RPS6KC1: variants seen among roughly 807,000 people sequenced by gnomAD.
RPS6KC1 encodes inactive ribosomal protein S6 kinase delta-1.
In RPS6KC1, 54 loss-of-function variants were observed where a neutral mutation model predicts 103.8. That is an observed-to-expected ratio of 0.52 (90% CI 0.42 to 0.65). The LOEUF (loss-of-function observed/expected upper bound fraction) is 0.65, where lower values mean the gene tolerates loss of function less well. Among genes scored for constraint, RPS6KC1 ranks in the 30% least tolerant of loss-of-function variants. The pLI is 0.00. For synonymous variants in RPS6KC1, 439 were observed against 438.7 expected, an observed-to-expected ratio of 1.00 and a Z score of -0.01; for missense variants, 1,151 against 1,253.8, an observed-to-expected ratio of 0.92 and a Z score of 1.24.
the RPS6KC1 span, among the ~76,000 whole-genome samples, chr1:213,391,074 G>A: frequency 6.6e-6 from 1 of 152,210 alleles, no homozygotes; most frequent in Admixed American, 6.5e-5. Flanking sequence ...AATTCACTGG[G>A]ATTTGGGGTC....
At chr1:213,347,629 A>C in the RPS6KC1 span, among the ~76,000 whole-genome samples, 1 of 152,174 alleles carries the variant, frequency 6.6e-6, no homozygotes, top group Non-Finnish European at 1.5e-5. Flanking sequence ...ACTTGAGCCC[A>C]GGAGTTCAAG....
At chr1:213,402,480 A>G in the RPS6KC1 span, among the ~76,000 whole-genome samples, 2 of 51,736 alleles carry the variant, frequency 3.9e-5, no homozygotes, top group Non-Finnish European at 5.1e-5. Flanking sequence ...CCAACATCCC[A>G]TTGAATCCTG....
At chr1:213,158,877 T>C (rs2090186630) in intron 6 of RPS6KC1, among the ~76,000 whole-genome samples, 1 of 152,136 alleles carries the variant, frequency 6.6e-6, no homozygotes, top group African/African-American at 2.4e-5. Flanking sequence ...TCTGGAAACA[T>C]AGAACTTTAG....
chr1:213,545,404 AAATAAAT>A, the RPS6KC1 span, among the ~76,000 whole-genome samples: 2,816 of 87,226 alleles, frequency 0.032, 49 homozygotes, highest in Non-Finnish European at 0.048. Context: ...ATAAATAAAT[AAATAAAT>A]AAATAAAATA....
At chr1:213,144,711 C>A (rs1228260400) in intron 6 of RPS6KC1, among the ~76,000 whole-genome samples, 2 of 152,042 alleles carry the variant, frequency 1.3e-5, no homozygotes, top group Non-Finnish European at 2.9e-5. Flanking sequence ...TAACTGTCTA[C>A]AACAGCAGTG....
chr1:213,436,155 G>A, the RPS6KC1 span, among the ~76,000 whole-genome samples: 1 of 152,178 alleles, frequency 6.6e-6, no homozygotes, highest in Non-Finnish European at 1.5e-5. Context: ...GTCCCTCTGG[G>A]TTGAACGCAA....
the RPS6KC1 span, among the ~76,000 whole-genome samples, chr1:213,294,137 A>G: frequency 4.6e-5 from 7 of 152,336 alleles, no homozygotes; most frequent in Admixed American, 2.0e-4. Flanking sequence ...TTGGGGAAGA[A>G]GGGCAACATT....
intron 12 of RPS6KC1, among the ~76,000 whole-genome samples, chr1:213,259,437 C>T (rs559479986): frequency 6.6e-6 from 1 of 152,270 alleles, no homozygotes; most frequent in Admixed American, 6.5e-5. Flanking sequence ...GTGGCACGCA[C>T]CTGTAGTCCC....
chr1:213,182,490 C>G (rs1004652536), intron 8 of RPS6KC1, among the ~76,000 whole-genome samples: 1 of 151,912 alleles, frequency 6.6e-6, no homozygotes, highest in African/African-American at 2.4e-5. Flanking sequence ...GACTCCATCT[C>G]AAACAAACAA....
chr1:213,179,297 C>G (rs1249796371), intron 8 of RPS6KC1, among the ~76,000 whole-genome samples: 1 of 151,486 alleles, frequency 6.6e-6, no homozygotes, highest in African/African-American at 2.4e-5. Context: ...CGCCTGTAAT[C>G]CCAGCTACTC....
In RPS6KC1 at chr1:213,067,079, A is replaced by G. The variant is rs2078397074; in HGVS notation, c.106-3927A>G. On this transcript the variant is annotated intron_variant, in intron 1 of 14. Transcript: ENST00000366960. ...CCTGTGACCTGAAAGCCCCCTCCCC[A>G]CGTCGAGTTGTCCCACCTTTCTGGA... 3.3e-5 allele frequency among the ~76,000 whole-genome samples: 5 copies of G among 152,126 alleles called. No individual in the cohort carries two copies. In the South Asian group the frequency reaches 8.3e-4, roughly 25 times the overall value.
the RPS6KC1 span, among the ~76,000 whole-genome samples, chr1:213,597,851 G>A: frequency 6.6e-6 from 1 of 152,180 alleles, no homozygotes; most frequent in East Asian, 1.9e-4. Context: ...AAAAAGTCAA[G>A]GGCAGAGCAG....
At chr1:213,788,214 T>A in the RPS6KC1 span, among the ~76,000 whole-genome samples, 2 of 152,156 alleles carry the variant, frequency 1.3e-5, no homozygotes, top group African/African-American at 4.8e-5. Flanking sequence ...AACAGCTCAC[T>A]CCATACTGAA....
chr1:213,647,524 C>A, the RPS6KC1 span, among the ~76,000 whole-genome samples: 3 of 152,182 alleles, frequency 2.0e-5, no homozygotes, highest in Non-Finnish European at 4.4e-5. Flanking sequence ...CTACCAACAA[C>A]TGATGACCTT....
At chr1:213,817,630 T>G in the RPS6KC1 span, 1 of 152,174 alleles carries the variant, frequency 6.6e-6, no homozygotes. Flanking sequence ...TTCCTAGGAA[T>G]GTAGCATAGA....
At chr1:213,326,999 C>T in the RPS6KC1 span, among the ~76,000 whole-genome samples, 3 of 149,332 alleles carry the variant, frequency 2.0e-5, no homozygotes, top group South Asian at 2.1e-4. Context: ...TCCATTTAGT[C>T]TGGCCTCTCC....
chr1:213,735,654 A>T, the RPS6KC1 span, among the ~76,000 whole-genome samples: 148 of 152,312 alleles, frequency 9.7e-4, 1 homozygote, highest in African/African-American at 3.4e-3. Flanking sequence ...TCTTATCTGA[A>T]CAAGAGAAAT....
the RPS6KC1 span, among the ~76,000 whole-genome samples, chr1:213,698,424 C>A: frequency 6.6e-6 from 1 of 152,180 alleles, no homozygotes; most frequent in Non-Finnish European, 1.5e-5. Flanking sequence ...GTCACACTTT[C>A]TTTTCCTGAA....
chr1:213,527,737 A>G, the RPS6KC1 span, among the ~76,000 whole-genome samples: 2 of 152,254 alleles, frequency 1.3e-5, no homozygotes, highest in Admixed American at 6.5e-5. Context: ...CACAAGGGTT[A>G]GTGGTACTGA....
Sources: allele counts gnomAD v4.1 joint callset (sites outside exome capture counted in the v4.1 genomes callset), GRCh38; gene constraint gnomAD v4.1.1; transcripts MANE v1.5; gene names NCBI Gene and HGNC (gene_info 2026-07-23, HGNC 2026-07-21).